KDM4B: variants seen among roughly 807,000 people sequenced by gnomAD.
KDM4B encodes the protein lysine demethylase 4B.
In KDM4B, 32 loss-of-function variants were observed where a neutral mutation model predicts 125.2. The ratio of observed to expected loss-of-function variants is 0.26; its 90% CI spans 0.19 to 0.34. The LOEUF (loss-of-function observed/expected upper bound fraction) is 0.34, where lower values mean the gene tolerates loss of function less well. Among genes scored for constraint, KDM4B ranks in the 10% least tolerant of loss-of-function variants. The pLI is 1.00. For missense variants in KDM4B, 1,190 were observed against 1,577.7 expected (o/e 0.75, Z 4.16); for synonymous variants, 721 against 677.9 (o/e 1.06, Z -0.99).
intron 11 of KDM4B, among the ~76,000 whole-genome samples, chr19:5,124,657 C>T (rs1008033630): frequency 3.3e-5 from 5 of 152,198 alleles, no homozygotes; most frequent in East Asian, 1.9e-4. Context: ...AGTGCAGTGA[C>T]GCAATCTCAG....
At chr19:5,151,094 C>T (rs916475541) in intron 22 of KDM4B, among the ~76,000 whole-genome samples, 2 of 152,212 alleles carry the variant, frequency 1.3e-5, no homozygotes, top group South Asian at 2.1e-4. Context: ...GCCAGATGGA[C>T]GGTCCCAGCC....
At chr19:5,004,813 T>C (rs1483987295) in intron 1 of KDM4B, among the ~76,000 whole-genome samples, 1 of 151,942 alleles carries the variant, frequency 6.6e-6, no homozygotes, top group East Asian at 1.9e-4. Flanking sequence ...CGGAATACAC[T>C]CCCTACTGTC....
intron 1 of KDM4B, among the ~76,000 whole-genome samples, chr19:4,996,277 A>G (rs1036675709): frequency 2.6e-5 from 4 of 152,284 alleles, no homozygotes; most frequent in South Asian, 2.1e-4. Flanking sequence ...GGCGTGAGCT[A>G]CTGCACCGAA....
intron 1 of KDM4B, among the ~76,000 whole-genome samples, chr19:4,995,958 C>G (rs965133934): frequency 2.0e-5 from 3 of 152,034 alleles, no homozygotes; most frequent in Non-Finnish European, 1.5e-5. Flanking sequence ...ATTTACTTAC[C>G]CATTCTCCTA....
intron 1 of KDM4B, among the ~76,000 whole-genome samples, chr19:4,991,132 CAAAAAA>C (rs1367485528): frequency 1.3e-5 from 2 of 151,820 alleles, no homozygotes; most frequent in East Asian, 1.9e-4. Context: ...AATAGTAAAG[CAAAAAA>C]TAAAAATAAA....
At chr19:4,973,465 A>C (rs2034330964) in intron 1 of KDM4B, among the ~76,000 whole-genome samples, 1 of 152,214 alleles carries the variant, frequency 6.6e-6, no homozygotes, top group Admixed American at 6.5e-5. Flanking sequence ...CTGGGATTAC[A>C]GGCATGAGCC....
At chr19:5,120,308 G>T (rs2039336706) in intron 11 of KDM4B, among the ~76,000 whole-genome samples, 2 of 152,230 alleles carry the variant, frequency 1.3e-5, no homozygotes, top group African/African-American at 4.8e-5. Context: ...AACAGAGCAA[G>T]ACCCAGTATC....
At chr19:5,149,912 G>A (rs2039916287) in intron 21 of KDM4B, among the ~76,000 whole-genome samples, 4 of 152,214 alleles carry the variant, frequency 2.6e-5, no homozygotes, top group African/African-American at 9.7e-5. Flanking sequence ...GGGCTCCTGA[G>A]CTCAGGCCCC....
chr19:5,005,619 G>A (rs966199138), intron 1 of KDM4B, among the ~76,000 whole-genome samples: 1 of 150,980 alleles, frequency 6.6e-6, no homozygotes, highest in Non-Finnish European at 1.5e-5. Flanking sequence ...TGGATATCAA[G>A]CAGTTGTCCC....
chr19:5,071,933 T>C (rs1028790402), intron 7 of KDM4B, among the ~76,000 whole-genome samples: 2 of 152,218 alleles, frequency 1.3e-5, no homozygotes, highest in Non-Finnish European at 2.9e-5. Context: ...TCCTCCGCAT[T>C]GGCAGGTGGA....
rs1202052006 is a variant in KDM4B, at chr19:5,114,847, T to C, written c.1115+4029T>C. 6.6e-6 allele frequency among the ~76,000 whole-genome samples: 1 copy of C among 152,246 alleles called. No individual in the cohort carries two copies. The highest frequency in any genetic ancestry group is 1.9e-4 in the East Asian group (1 of 5,198). ...AGGCCGTCCACCCCGCCTCCTGCCA[T>C]ACAAGCTGCAAAGGACACCTGCTTC... On this transcript the variant is annotated intron_variant, in intron 10 of 22. Coordinates refer to ENST00000159111, the MANE Select transcript of KDM4B (RefSeq NM_015015.3). This position sits in a 1 kb window ranked among gnomAD's most constrained non-coding sequence, Gnocchi z 5.8.
intron 6 of KDM4B, among the ~76,000 whole-genome samples, chr19:5,052,913 G>A (rs1007033566): frequency 8.5e-5 from 13 of 152,208 alleles, no homozygotes; most frequent in Non-Finnish European, 1.6e-4. Flanking sequence ...GGGACCTAGG[G>A]TCCCAGTCTA....
intron 1 of KDM4B, among the ~76,000 whole-genome samples, chr19:4,979,418 C>G (rs1209964940): frequency 1.3e-5 from 2 of 152,190 alleles, no homozygotes; most frequent in Admixed American, 6.5e-5. Flanking sequence ...AGCTTGAGAG[C>G]AGAGGAAGTA....
At chr19:5,103,814 T>G (rs2038983819) in intron 9 of KDM4B, among the ~76,000 whole-genome samples, 1 of 152,242 alleles carries the variant, frequency 6.6e-6, no homozygotes, top group Non-Finnish European at 1.5e-5. Flanking sequence ...GCTTTTGCTC[T>G]GTGAGGCTCG....
intron 10 of KDM4B, chr19:5,111,844 C>T (rs1450713981): frequency 1.7e-5 from 13 of 764,610 alleles, no homozygotes; most frequent in Middle Eastern, 2.3e-4. Context: ...TGATAGACAG[C>T]GAAGAAATGC....
chr19:5,133,839 A>G (rs752866687), intron 13 of KDM4B, 44 bp from the exon 14 acceptor site: 2 of 1,597,678 alleles, frequency 1.3e-6, no homozygotes, highest in Non-Finnish European at 1.7e-6. Flanking sequence ...ACGAGTTTTT[A>G]GGGGGCTCAA....
At position 5,129,961 on chromosome 19, in the gene KDM4B, G is replaced by A. The variant is rs529774933; in HGVS notation, c.1316-1115G>A. On this transcript the variant is annotated intron_variant, in intron 11 of 22. Transcript: ENST00000159111. ...CACGAGCTTCCCACAGCCCGACACAGAGCGCCGCTGGGCTCACATGGAGCT... is the reference window on the plus strand; with the variant it reads ...CACGAGCTTCCCACAGCCCGACACAAAGCGCCGCTGGGCTCACATGGAGCT... 5.4e-4 allele frequency among the ~76,000 whole-genome samples: 82 copies of A among 152,346 alleles called. No homozygotes were observed. The South Asian group carries it at 7.7e-3, about 14-fold the overall frequency.
intron 11 of KDM4B, among the ~76,000 whole-genome samples, chr19:5,122,425 G>T (rs770472127): frequency 2.0e-5 from 3 of 152,206 alleles, no homozygotes; most frequent in Non-Finnish European, 4.4e-5. Context: ...CAGGGATAAG[G>T]ATGCAGATGC....
chr19:4,979,363 T>G (rs2034561574), intron 1 of KDM4B, among the ~76,000 whole-genome samples: 1 of 152,204 alleles, frequency 6.6e-6, no homozygotes, highest in African/African-American at 2.4e-5. Context: ...AACTGCTGTT[T>G]GCGCAGAGCC....
Sources: allele counts gnomAD v4.1 joint callset (sites outside exome capture counted in the v4.1 genomes callset), GRCh38; gene constraint gnomAD v4.1.1; non-coding constraint Gnocchi (gnomAD v3.1); transcripts MANE v1.5; gene names NCBI Gene and HGNC (gene_info 2026-07-23, HGNC 2026-07-21).